Variants in FRY observed in about 807,000 individuals in gnomAD.
FRY encodes FRY microtubule binding protein, also known as protein furry homolog.
FRY carries 128 observed loss-of-function variants against 348.4 expected under a neutral mutation model. The ratio of observed to expected loss-of-function variants is 0.37; its 90% confidence interval spans 0.32 to 0.43. FRY has a LOEUF of 0.43. Ranked by LOEUF, FRY falls within the 20% of genes least tolerant of loss-of-function variation. The probability of loss-of-function intolerance (pLI) is 1.00; values close to 1 mark genes in which losing one functional copy is unlikely to be tolerated. For missense variants in FRY, 2,736 were observed against 3,695.2 expected (o/e 0.74, Z 6.73); for synonymous variants, 1,370 against 1,374.7 (o/e 1.00, Z 0.08).
At chr13:32,286,137 T>C (rs9595257) in intron 58 of FRY, among the ~76,000 whole-genome samples, 5,694 of 152,264 alleles carry the variant, frequency 0.037, 282 homozygotes, top group African/African-American at 0.12. Flanking sequence ...AGTCCTTTAA[T>C]TACATTTGTC....
At chr13:32,145,432 T>C (rs914109278) in intron 11 of FRY, among the ~76,000 whole-genome samples, 9 of 151,842 alleles carry the variant, frequency 5.9e-5, no homozygotes, top group African/African-American at 2.2e-4. Flanking sequence ...TCTATAAAAT[T>C]GTTTGAAAGG....
At chr13:32,292,280 G>A (rs1015884464) in intron 59 of FRY, among the ~76,000 whole-genome samples, 3 of 151,836 alleles carry the variant, frequency 2.0e-5, no homozygotes, top group South Asian at 2.1e-4. Flanking sequence ...ACCACACCCG[G>A]CCCAAACAAA....
chr13:32,105,417 T>C (rs936388765), intron 3 of FRY, among the ~76,000 whole-genome samples: 2 of 152,228 alleles, frequency 1.3e-5, no homozygotes, highest in African/African-American at 2.4e-5. Context: ...TTTTGTTCTT[T>C]ATCAATTACC....
In FRY at chr13:32,262,458, A is replaced by G. The variant is rs1330652081; in HGVS notation, c.7762A>G (p.Ile2588Val). 6.2e-7 allele frequency: 1 copy of G among 1,613,266 alleles called. No homozygotes were observed. The highest frequency in any genetic ancestry group is 1.3e-5 in the African/African-American group (1 of 74,884). ...CTTGCCTGATATGAATAATCTGCAG[A>G]TTTCTGAGGGTTCAAAGGTGAAGAG... ...ASLPDMNNLQISEGSKAEAVR... is the reference protein window; with the variant it reads ...ASLPDMNNLQVSEGSKAEAVR... Residue 2588 changes from isoleucine to valine, a missense_variant, in exon 53 of 61, where the codon ATT (isoleucine) becomes GTT (valine). Around this residue, in one of 9 missense-constraint regions of FRY, gnomAD observed 789 missense variants for 996.2 expected, o/e 0.79. Coordinates refer to ENST00000542859, the MANE Select transcript of FRY (RefSeq NM_023037.3).
chr13:32,038,972 G>A (rs996116143), intron 1 of FRY, among the ~76,000 whole-genome samples: 2 of 152,100 alleles, frequency 1.3e-5, no homozygotes, highest in Non-Finnish European at 2.9e-5. Context: ...TTCCTTGTTC[G>A]ATTCAGAATT....
intron 4 of FRY, among the ~76,000 whole-genome samples, chr13:32,120,114 C>A (rs1448455404): frequency 6.6e-6 from 1 of 152,050 alleles, no homozygotes; most frequent in African/African-American, 2.4e-5. Context: ...GTCATCCCTC[C>A]TCATTGGTTT....
At chr13:32,181,855 A>C (rs929857164) in intron 23 of FRY, among the ~76,000 whole-genome samples, 1 of 152,200 alleles carries the variant, frequency 6.6e-6, no homozygotes, top group Admixed American at 6.5e-5. Flanking sequence ...TAGAGAATCC[A>C]TCTCATAAAT....
At position 32,247,456 on chromosome 13, in the gene FRY, A is replaced by G. The variant is rs768316543; in HGVS notation, c.6962A>G (p.Lys2321Arg). The change falls in exon 48 of 61, where the codon AAG becomes AGG. Residue 2321 changes from lysine (K) to arginine (R), a missense_variant. By Grantham distance (26) the Lys-to-Arg change is conservative. Coordinates refer to ENST00000542859, the MANE Select transcript of FRY (RefSeq NM_023037.3). ...EIHRVWTSAS[K>R]ELPGKTLDFH... is the part of the protein sequence containing the mutation. ...CATCGAGTGTGGACTAGTGCTTCCA[A>G]GGAATTACCTGGGAAAACCCTGGAC... The G allele has an allele frequency of 2.5e-6, 4 of 1,613,776 alleles. No homozygotes were observed. The highest frequency in any genetic ancestry group is 2.2e-5 in the East Asian group (1 of 44,880).
chr13:32,186,179 C>T, intron 26 of FRY, 81 bp from the exon 27 acceptor site: 1 of 1,086,082 alleles, frequency 9.2e-7, no homozygotes, highest in Non-Finnish European at 1.4e-6. Context: ...TGGTTCCTTT[C>T]CTCAAAATGT....
At chr13:32,038,775 T>C (rs909805689) in intron 1 of FRY, among the ~76,000 whole-genome samples, 2 of 152,208 alleles carry the variant, frequency 1.3e-5, no homozygotes, top group Non-Finnish European at 2.9e-5. Flanking sequence ...ACTGCAAATC[T>C]TACTACCTAA....
intron 58 of FRY, among the ~76,000 whole-genome samples, chr13:32,281,286 T>G (rs1027102452): frequency 6.6e-6 from 1 of 152,212 alleles, no homozygotes; most frequent in Non-Finnish European, 1.5e-5. Flanking sequence ...GTTTTTCCAT[T>G]TTGCAACTAA....
chr13:32,211,761 C>T (rs576914580), intron 34 of FRY, among the ~76,000 whole-genome samples: 2 of 152,284 alleles, frequency 1.3e-5, no homozygotes, highest in East Asian at 3.9e-4. Flanking sequence ...TCCTCAAATT[C>T]CTTGAAGTCT....
At chr13:32,144,950 C>CAT (rs1414976380) in intron 11 of FRY, among the ~76,000 whole-genome samples, 2 of 150,870 alleles carry the variant, frequency 1.3e-5, no homozygotes, top group African/African-American at 2.5e-5. Flanking sequence ...GAATTGAAGG[C>CAT]ATCAGGGAGG....
chr13:32,053,378 T>C (rs1348462422), intron 1 of FRY, among the ~76,000 whole-genome samples: 1 of 152,232 alleles, frequency 6.6e-6, no homozygotes, highest in East Asian at 1.9e-4. Flanking sequence ...TTTGGCCTGC[T>C]AGATTTATGA....
intron 1 of FRY, among the ~76,000 whole-genome samples, chr13:32,052,153 C>T (rs1873364604): frequency 6.6e-6 from 1 of 152,178 alleles, no homozygotes; most frequent in Non-Finnish European, 1.5e-5. Context: ...CAAATTACTT[C>T]AGTGTTCTCT....
chr13:32,132,863 G>A (rs1324177255), intron 8 of FRY, among the ~76,000 whole-genome samples: 1 of 152,194 alleles, frequency 6.6e-6, no homozygotes, highest in Admixed American at 6.5e-5. Context: ...GCCATAAAAA[G>A]TAGTGAAGCT....
intron 24 of FRY, among the ~76,000 whole-genome samples, chr13:32,183,405 A>G (rs1299338227): frequency 1.3e-5 from 2 of 152,192 alleles, no homozygotes; most frequent in Non-Finnish European, 2.9e-5. Context: ...CATACGAGGC[A>G]TTTTCCCTAG....
intron 48 of FRY, among the ~76,000 whole-genome samples, 190 bp downstream of exon 48, chr13:32,247,692 C>A (rs1321556806): frequency 6.6e-6 from 1 of 152,162 alleles, no homozygotes; most frequent in Non-Finnish European, 1.5e-5. Context: ...TCTCAGTTGG[C>A]AGCTTTTAAA....
intron 11 of FRY, among the ~76,000 whole-genome samples, chr13:32,145,735 G>C (rs1377632748): frequency 6.6e-6 from 1 of 150,750 alleles, no homozygotes; most frequent in African/African-American, 2.4e-5. Context: ...TAGTAGAGAC[G>C]GGGTTTCACC....
Sources: allele counts gnomAD v4.1 joint callset (sites outside exome capture counted in the v4.1 genomes callset), GRCh38; gene constraint gnomAD v4.1.1; regional missense constraint gnomAD v4.1.1; transcripts MANE v1.5; gene names NCBI Gene and HGNC (gene_info 2026-07-23, HGNC 2026-07-21).